Variants in PCDH15 observed in about 807,000 individuals in gnomAD.
The protein encoded by PCDH15 is protocadherin-15.
PCDH15 carries 129 observed loss-of-function variants against 178.5 expected under a neutral mutation model. That is an observed-to-expected ratio of 0.72 (90% CI 0.63 to 0.84). The LOEUF is 0.84. PCDH15 is among the 40% of genes least tolerant of loss of function. The pLI is 0.00. For missense variants in PCDH15, 2,230 were observed against 2,099.9 expected, an observed-to-expected ratio of 1.06 and a Z score of -1.21; for synonymous variants, 800 against 732.0, an observed-to-expected ratio of 1.09 and a Z score of -1.50.
At chr10:55,289,069 T>C (rs1842945969) in intron 1 of PCDH15, among the ~76,000 whole-genome samples, 1 of 151,984 alleles carries the variant, frequency 6.6e-6, no homozygotes, top group Non-Finnish European at 1.5e-5. Flanking sequence ...ACCAATCAAA[T>C]GAAATGTCAT....
chr10:54,763,796 A>ATATAAATATACTATATAAATATGTG (rs1175521352), intron 1 of PCDH15, among the ~76,000 whole-genome samples: 22 of 148,290 alleles, frequency 1.5e-4, no homozygotes, highest in Non-Finnish European at 2.7e-4. Context: ...ATAAATATGT[A>ATATAAATATACTATATAAATATGTG]CAACTCTTAT....
chr10:54,597,735 T>A lies in PCDH15; in HGVS notation c.91+66437A>T, dbSNP rs184175110. On this transcript the variant is annotated intron_variant, in intron 2 of 37. Transcript: ENST00000644397. ...AACATTAATACAATAGATAGACCAC[T>A]GGTTAAACTAAGAAAGAAGAAAACA... 9.3e-3 allele frequency among the ~76,000 whole-genome samples: 1,408 copies of A among 152,112 alleles called. 21 individuals carry two copies. Among genetic ancestry groups the A allele is most frequent in the African/African-American group, 0.033 (1,354 of 41,520 alleles).
chr10:54,304,283 G>A (rs138890573), intron 8 of PCDH15, among the ~76,000 whole-genome samples: 17 of 152,056 alleles, frequency 1.1e-4, no homozygotes, highest in East Asian at 7.7e-4. Context: ...AATTGTATTC[G>A]CCTCTATATA....
At chr10:54,295,311 T>C (rs2059679471) in intron 8 of PCDH15, among the ~76,000 whole-genome samples, 1 of 152,154 alleles carries the variant, frequency 6.6e-6, no homozygotes, top group African/African-American at 2.4e-5. Context: ...CTCTGTAAAA[T>C]GGACCAATCA....
At chr10:55,024,050 G>T (rs1840408369) in intron 2 of PCDH15, among the ~76,000 whole-genome samples, 1 of 126,868 alleles carries the variant, frequency 7.9e-6, no homozygotes, top group African/African-American at 2.9e-5. Flanking sequence ...CTCTGATACA[G>T]ATGTATATCT....
chr10:55,219,368 T>C (rs774618190), intron 1 of PCDH15, among the ~76,000 whole-genome samples: 3 of 151,944 alleles, frequency 2.0e-5, no homozygotes, highest in Admixed American at 6.6e-5. Flanking sequence ...ACTTATATTA[T>C]TGCTAACAGT....
chr10:54,869,003 G>C (rs1366847700), intron 3 of PCDH15: 1 of 152,094 alleles, frequency 6.6e-6, no homozygotes, highest in Non-Finnish European at 1.5e-5. Flanking sequence ...TTAAATTGAA[G>C]CTAAGGGTGA....
At chr10:54,101,483 T>C (rs1269324939) in intron 15 of PCDH15, among the ~76,000 whole-genome samples, 2 of 152,220 alleles carry the variant, frequency 1.3e-5, no homozygotes, top group Non-Finnish European at 2.9e-5. Context: ...GCATGTATTA[T>C]TTTGAGCAAA....
chr10:54,857,229 GT>G (rs1414634228), intron 3 of PCDH15, among the ~76,000 whole-genome samples: 2 of 151,936 alleles, frequency 1.3e-5, no homozygotes, highest in Admixed American at 1.3e-4. Context: ...CATAAAACCG[GT>G]TTATAGAATC....
At chr10:53,901,753 C>A (rs138090039) in intron 26 of PCDH15, among the ~76,000 whole-genome samples, 1 of 152,116 alleles carries the variant, frequency 6.6e-6, no homozygotes, top group Non-Finnish European at 1.5e-5. Context: ...AGAGAAATCC[C>A]AGAATGCTGC....
At chr10:55,060,877 CA>C (rs200211175) in intron 2 of PCDH15, among the ~76,000 whole-genome samples, 6 of 148,762 alleles carry the variant, frequency 4.0e-5, no homozygotes, top group African/African-American at 7.4e-5. Flanking sequence ...AACACCACAT[CA>C]AAAAAAAATG....
intron 2 of PCDH15, among the ~76,000 whole-genome samples, chr10:54,932,516 A>G: frequency 6.6e-6 from 1 of 152,270 alleles, no homozygotes; most frequent in East Asian, 1.9e-4. Context: ...ATTATTGAAA[A>G]GGCAATTTTA....
intron 3 of PCDH15, among the ~76,000 whole-genome samples, chr10:54,483,693 A>G (rs1040557971): frequency 1.8e-4 from 28 of 151,504 alleles, no homozygotes; most frequent in Middle Eastern, 3.4e-3. Flanking sequence ...TGTCCACTCC[A>G]TTTTTTTTCT....
At chr10:54,125,543 G>A (rs1326572023) in intron 15 of PCDH15, among the ~76,000 whole-genome samples, 1 of 152,092 alleles carries the variant, frequency 6.6e-6, no homozygotes, top group South Asian at 2.1e-4. Flanking sequence ...AGGGATTGTG[G>A]GCAAGTCTAA....
chr10:54,484,641 T>TC (rs138280543), intron 3 of PCDH15, among the ~76,000 whole-genome samples: 2,769 of 151,716 alleles, frequency 0.018, 73 homozygotes, highest in African/African-American at 0.064. Flanking sequence ...ATAAAATCGA[T>TC]CCCCGCTCAT....
intron 1 of PCDH15, among the ~76,000 whole-genome samples, chr10:55,270,661 C>A (rs2132246291): frequency 6.6e-6 from 1 of 152,176 alleles, no homozygotes; most frequent in Non-Finnish European, 1.5e-5. Flanking sequence ...GATGACACTG[C>A]AGAGAAAAGG....
At chr10:55,218,415 G>C (rs2132180270) in intron 1 of PCDH15, among the ~76,000 whole-genome samples, 1 of 152,166 alleles carries the variant, frequency 6.6e-6, no homozygotes, top group South Asian at 2.1e-4. Context: ...GCAATGGAAA[G>C]AGGAGAGGAG....
rs544171285 is a variant in PCDH15 at position 54,669,898 on chromosome 10, T to TA, written c.-28-5609dup. Among the ~76,000 whole-genome samples, 714 of 151,554 alleles carry TA rather than the reference T, an allele frequency of 4.7e-3. 2 individuals are homozygous for TA. Among genetic ancestry groups the TA allele is most frequent in the Non-Finnish European group, 6.4e-3 (434 of 67,906 alleles). On this transcript the variant is annotated intron_variant, in intron 1 of 37. Transcript: ENST00000644397. The stretch of plus-strand genomic sequence containing the variant: ...TGAAACCCCATCTCTACTAAAAATA[T>TA]AAAATATTAGCTGGGTGTGGTGGTG...
At chr10:54,072,338 C>G (rs34281994) in intron 17 of PCDH15, among the ~76,000 whole-genome samples, 7,464 of 152,206 alleles carry the variant, frequency 0.049, 253 homozygotes, top group Non-Finnish European at 0.071. Flanking sequence ...CTTGTTGCTA[C>G]ACAGTTCAGA....
Sources: gnomAD v4.1 joint callset for allele counts (sites outside exome capture counted in the v4.1 genomes callset) on GRCh38, gnomAD v4.1.1 for gene constraint, MANE v1.5 for transcripts, NCBI Gene and HGNC (gene_info 2026-07-23, HGNC 2026-07-21) for gene names.